RILPL1: variants seen among roughly 807,000 people sequenced by gnomAD.
RILPL1 encodes the protein Rab interacting lysosomal protein like 1.
Under a neutral mutation model 50.3 loss-of-function variants are expected in RILPL1, and 33 were observed. That is an observed-to-expected ratio of 0.66 (90% CI 0.50 to 0.88). The LOEUF (loss-of-function observed/expected upper bound fraction) is 0.88, where lower values mean the gene tolerates loss of function less well. RILPL1 is among the 40% of genes least tolerant of loss of function. The pLI is 0.00. For synonymous variants in RILPL1, 205 were observed against 228.6 expected, an observed-to-expected ratio of 0.90 and a Z score of 0.93; for missense variants, 418 against 542.5, an observed-to-expected ratio of 0.77 and a Z score of 2.28.
chr12:123,510,632 ATG>A (rs1312963995), intron 2 of RILPL1, among the ~76,000 whole-genome samples: 3 of 48,420 alleles, frequency 6.2e-5, no homozygotes, highest in Non-Finnish European at 1.2e-4. Context: ...TATGTGTGTG[ATG>A]TGTGTGTGTA....
intron 1 of RILPL1, among the ~76,000 whole-genome samples, chr12:123,529,494 C>T (rs1216988282): frequency 6.6e-6 from 1 of 152,066 alleles, no homozygotes; most frequent in African/African-American, 2.4e-5. Context: ...CCAGGATGGT[C>T]TTGACCTCCT....
intron 4 of RILPL1, among the ~76,000 whole-genome samples, chr12:123,495,872 G>A (rs555925845): frequency 1.9e-4 from 29 of 151,524 alleles, no homozygotes; most frequent in African/African-American, 6.8e-4. Context: ...GTAGAGACGG[G>A]GTTTCGCCAC....
At chr12:123,502,080 C>CA (rs35609573) in intron 2 of RILPL1, among the ~76,000 whole-genome samples, 1,429 of 98,378 alleles carry the variant, frequency 0.015, 25 homozygotes, top group Admixed American at 0.065. Context: ...AACTTCGTCT[C>CA]AAAAAAAAAA....
intron 2 of RILPL1, among the ~76,000 whole-genome samples, chr12:123,516,418 G>A (rs545961027): frequency 4.5e-4 from 69 of 152,326 alleles, no homozygotes; most frequent in African/African-American, 1.5e-3. Context: ...CCACCCTGCC[G>A]GACTCTGCTG....
At chr12:123,512,050 GGTC>G (rs1884320034) in intron 2 of RILPL1, among the ~76,000 whole-genome samples, 5 of 126,734 alleles carry the variant, frequency 3.9e-5, no homozygotes, top group Non-Finnish European at 8.2e-5. Context: ...GTGTGTGTGA[GGTC>G]TGTGTGTGGT....
At chr12:123,494,601 G>A (rs561707277) in intron 4 of RILPL1, among the ~76,000 whole-genome samples, 62 of 152,154 alleles carry the variant, frequency 4.1e-4, no homozygotes, top group Non-Finnish European at 8.2e-4. Context: ...CTGAGCTCCC[G>A]TGGGGCCTGA....
At chr12:123,483,580 T>C (rs1164225999) in intron 6 of RILPL1, among the ~76,000 whole-genome samples, 1 of 152,204 alleles carries the variant, frequency 6.6e-6, no homozygotes, top group African/African-American at 2.4e-5. Flanking sequence ...GGAGGTTTTA[T>C]CACAACCTCA....
chr12:123,495,578 G>C (rs1029910500), intron 4 of RILPL1, among the ~76,000 whole-genome samples: 8 of 149,740 alleles, frequency 5.3e-5, no homozygotes, highest in Admixed American at 1.3e-4. Flanking sequence ...GTTTCACCAT[G>C]TTAGCCAGGA....
chr12:123,501,280 A>AT (rs879730460), intron 2 of RILPL1, among the ~76,000 whole-genome samples: 165 of 146,184 alleles, frequency 1.1e-3, no homozygotes, highest in Admixed American at 2.3e-3. Flanking sequence ...CTACAAAAAG[A>AT]TTTTTTTTTT....
At chr12:123,480,745 A>G (rs1881921517) in intron 6 of RILPL1, among the ~76,000 whole-genome samples, 1 of 152,046 alleles carries the variant, frequency 6.6e-6, no homozygotes, top group Non-Finnish European at 1.5e-5. Flanking sequence ...GGCACTAAGT[A>G]CTGCAGAGAA....
At chr12:123,479,625 G>A (rs1340366438) in intron 6 of RILPL1, among the ~76,000 whole-genome samples, 1 of 152,198 alleles carries the variant, frequency 6.6e-6, no homozygotes, top group Non-Finnish European at 1.5e-5. Flanking sequence ...AAGGCGACCA[G>A]TGTCCTGCCT....
chr12:123,482,616 C>G (rs964022792), intron 6 of RILPL1, among the ~76,000 whole-genome samples: 1 of 150,182 alleles, frequency 6.7e-6, no homozygotes, highest in East Asian at 1.9e-4. Context: ...CCCTCTCTCT[C>G]TCTCTTTTTT....
intron 4 of RILPL1, among the ~76,000 whole-genome samples, chr12:123,496,057 G>T (rs1241191324): frequency 6.6e-6 from 1 of 151,700 alleles, no homozygotes; most frequent in Non-Finnish European, 1.5e-5. Context: ...CTGTCGCCCA[G>T]GCTGGAGTGC....
intron 5 of RILPL1, among the ~76,000 whole-genome samples, chr12:123,484,650 CTTTTTTTT>C (rs61080090): frequency 9.1e-6 from 1 of 110,144 alleles, no homozygotes; most frequent in East Asian, 2.3e-4. Flanking sequence ...ACTCTCCCAT[CTTTTTTTT>C]TTTTTTTTTT....
At chr12:123,512,629 TCGTGTGTGA>T (rs1884409251) in intron 2 of RILPL1, among the ~76,000 whole-genome samples, 2 of 126,396 alleles carry the variant, frequency 1.6e-5, no homozygotes, top group African/African-American at 6.2e-5. Context: ...TGTCTGTGTG[TCGTGTGTGA>T]GGTCTGTGTG....
In RILPL1 at chr12:123,533,118, C is replaced by T; in HGVS notation, c.309+56G>A. 2.1e-6 allele frequency: 3 copies of T among 1,460,838 alleles called. No individual in the cohort carries two copies. In the South Asian group the frequency reaches 4.0e-5, roughly 20 times the overall value. 90.5% of individuals were successfully genotyped at this position (1,460,838 alleles called of 1,614,324 possible). A position where few individuals can be genotyped will look rare whatever the true frequency, so the allele number is the denominator to read the frequency against. On this transcript the variant is annotated intron_variant, in intron 1 of 6. Transcript: ENST00000376874. This position sits in a 1 kb window ranked among gnomAD's most constrained non-coding sequence, Gnocchi z 6.2. ...CCCACAGCTGCCCAATGCGGAAGAG[C>T]CCTTGGGTCCCCGCGGTCCCACTGC...
At chr12:123,490,116 C>A (rs948338019) in intron 4 of RILPL1, among the ~76,000 whole-genome samples, 17 of 152,094 alleles carry the variant, frequency 1.1e-4, no homozygotes. Flanking sequence ...CAAGCTCCCT[C>A]CAGTCCCTTC....
At chr12:123,479,099 C>T (rs150458043) in intron 6 of RILPL1, among the ~76,000 whole-genome samples, 420 of 151,722 alleles carry the variant, frequency 2.8e-3, no homozygotes, top group African/African-American at 9.7e-3. Context: ...GGGAGGGGAG[C>T]GGGAAAATGG....
rs147090205 is a variant in RILPL1 at position 123,524,410 on chromosome 12, T to C, written c.310-765A>G. 1.6e-4 allele frequency among the ~76,000 whole-genome samples: 25 copies of C among 152,252 alleles called. No individual in the cohort carries two copies. The East Asian group carries it at 4.4e-3, about 27-fold the overall frequency. On this transcript the variant is annotated intron_variant, in intron 1 of 6. Coordinates refer to ENST00000376874, the MANE Select transcript of RILPL1 (RefSeq NM_178314.5). ...CAAAAACATTAACACAGAGTTACCATAGGACCCAGCAACTCCAGTCCTTGG... is the reference window on the plus strand; with the variant it reads ...CAAAAACATTAACACAGAGTTACCACAGGACCCAGCAACTCCAGTCCTTGG...
Sources: gnomAD v4.1 joint callset for allele counts (sites outside exome capture counted in the v4.1 genomes callset) on GRCh38, gnomAD v4.1.1 for gene constraint, Gnocchi (gnomAD v3.1) non-coding constraint, MANE v1.5 for transcripts, NCBI Gene and HGNC (gene_info 2026-07-23, HGNC 2026-07-21) for gene names.